Variants in ABL2 observed in about 807,000 individuals in gnomAD.
ABL2 encodes tyrosine-protein kinase ABL2.
A neutral mutation model predicts 107.7 loss-of-function variants in ABL2; 49 were observed. The ratio of observed to expected loss-of-function variants is 0.45; its 90% CI spans 0.36 to 0.58. ABL2 has a LOEUF of 0.58. Ranked by LOEUF, ABL2 falls within the 20% of genes least tolerant of loss-of-function variation. The pLI is 0.00. For missense variants in ABL2, 1,245 were observed against 1,457.0 expected (o/e 0.85, Z 2.37); for synonymous variants, 549 against 548.6 (o/e 1.00, Z -0.01).
At chr1:179,160,148 T>G (rs929098914) in intron 1 of ABL2, among the ~76,000 whole-genome samples, 1 of 152,104 alleles carries the variant, frequency 6.6e-6, no homozygotes, top group African/African-American at 2.4e-5. Context: ...AACTTGTATT[T>G]TATATAACTT....
intron 1 of ABL2, chr1:179,184,508 T>C (rs1660571851): frequency 2.8e-6 from 2 of 715,230 alleles, no homozygotes; most frequent in Non-Finnish European, 4.7e-6. Context: ...AAGATGACAT[T>C]TGTCCCATCC....
intron 1 of ABL2, among the ~76,000 whole-genome samples, chr1:179,183,152 A>G (rs1660477110): frequency 6.6e-6 from 1 of 152,098 alleles, no homozygotes; most frequent in African/African-American, 2.4e-5. Context: ...AGAGAACTGC[A>G]TGTTCTCACA....
intron 1 of ABL2, among the ~76,000 whole-genome samples, chr1:179,135,070 C>T (rs2793795): frequency 0.35 from 52,540 of 152,070 alleles, 9,505 homozygotes; most frequent in East Asian, 0.49. Flanking sequence ...GGCGTGATCT[C>T]GGCTCACTAC....
chr1:179,134,928 C>T (rs1440527268), intron 1 of ABL2, among the ~76,000 whole-genome samples: 8 of 152,230 alleles, frequency 5.3e-5, no homozygotes, highest in East Asian at 3.8e-4. Flanking sequence ...GACGGGGTTT[C>T]GCTGTGTTGG....
At chr1:179,161,971 T>C (rs1371701209) in intron 1 of ABL2, among the ~76,000 whole-genome samples, 1 of 152,172 alleles carries the variant, frequency 6.6e-6, no homozygotes, top group Non-Finnish European at 1.5e-5. Flanking sequence ...CACCAGGTGA[T>C]GTCTTCTGCC....
At chr1:179,201,954 C>CA in intron 1 of ABL2, 1 of 1,168,632 alleles carries the variant, frequency 8.6e-7, no homozygotes, top group Non-Finnish European at 1.1e-6. Context: ...CAACCCCAGC[C>CA]AGGGCTCAAT....
rs1663453778 is a variant in ABL2, at chr1:179,229,648, C to A, written c.-251G>T. The A allele has an allele frequency of 6.1e-6, 3 of 488,940 alleles. No homozygotes were observed. The highest frequency in any genetic ancestry group is 1.0e-5 in the Non-Finnish European group (3 of 286,036). The allele number at this position is 488,940 out of a possible 1,614,324, so 30.3% of individuals were successfully genotyped here. On this transcript the variant is annotated 5_prime_UTR_variant, in exon 1 of 12. Transcript: ENST00000502732. ...GCGCCCCCAACGCCGCCGCCGCCGC[C>A]GCCGCCACCGCCGCCGCCATCTTTA...
At chr1:179,208,670 ATCTC>A (rs28991594) in intron 1 of ABL2, among the ~76,000 whole-genome samples, 14,346 of 152,176 alleles carry the variant, frequency 0.094, 699 homozygotes, top group African/African-American at 0.12. Flanking sequence ...GCAGAAGACA[ATCTC>A]TCTTAGCCAA....
At chr1:179,134,038 T>C (rs74800084) in intron 1 of ABL2, among the ~76,000 whole-genome samples, 1 of 152,308 alleles carries the variant, frequency 6.6e-6, no homozygotes, top group African/African-American at 2.4e-5. Flanking sequence ...TAATACTCTA[T>C]CTTTATCTCT....
At chr1:179,190,419 G>T (rs549119600) in intron 1 of ABL2, among the ~76,000 whole-genome samples, 1 of 152,298 alleles carries the variant, frequency 6.6e-6, no homozygotes, top group South Asian at 2.1e-4. Flanking sequence ...GAGAAGAGGG[G>T]CTGAGCAGAG....
intron 1 of ABL2, among the ~76,000 whole-genome samples, chr1:179,227,622 G>A (rs1442324027): frequency 6.6e-6 from 1 of 152,176 alleles, no homozygotes; most frequent in Non-Finnish European, 1.5e-5. Flanking sequence ...AGCTTACTTG[G>A]ATGATTTCTT....
intron 1 of ABL2, among the ~76,000 whole-genome samples, chr1:179,217,444 G>C (rs1486989001): frequency 6.6e-6 from 1 of 151,972 alleles, no homozygotes; most frequent in Non-Finnish European, 1.5e-5. Flanking sequence ...TGGCCAACAT[G>C]GTGAAACCCC....
rs1558014308 is a variant in ABL2 at position 179,229,634 on chromosome 1, G to GCCGCCGCCGCCGCCGCCGCCGCCGCCA, written c.-238_-237insTGGCGGCGGCGGCGGCGGCGGCGGCGG. The GCCGCCGCCGCCGCCGCCGCCGCCGCCA allele has an allele frequency of 2.4e-5, 8 of 336,486 alleles. No homozygotes were observed. The highest frequency in any genetic ancestry group is 5.8e-5 in the East Asian group (1 of 17,186). The allele number at this position is 336,486 out of a possible 1,614,324, so 20.8% of individuals were successfully genotyped here. A position where few individuals can be genotyped will look rare whatever the true frequency, so the allele number is the denominator to read the frequency against. On this transcript the variant is annotated 5_prime_UTR_variant, in exon 1 of 12. Transcript: ENST00000502732. ...CCTGTCGCGGCTCCGCGCCCCCAAC[G>GCCGCCGCCGCCGCCGCCGCCGCCGCCA]CCGCCGCCGCCGCCGCCGCCACCGC...
At chr1:179,210,397 A>G (rs1264300815) in intron 1 of ABL2, among the ~76,000 whole-genome samples, 2 of 151,150 alleles carry the variant, frequency 1.3e-5, no homozygotes, top group Non-Finnish European at 2.9e-5. Context: ...TCCTAGCTAC[A>G]TGATAGGCTG....
chr1:179,156,922 TAAATAAATA>T (rs1287727031), intron 1 of ABL2, among the ~76,000 whole-genome samples: 2 of 141,666 alleles, frequency 1.4e-5, no homozygotes, highest in East Asian at 2.0e-4. Context: ...AATAAATAAA[TAAATAAATA>T]AAACTCTATT....
intron 9 of ABL2, among the ~76,000 whole-genome samples, chr1:179,114,012 T>A (rs1271207009): frequency 6.6e-6 from 1 of 152,154 alleles, no homozygotes; most frequent in African/African-American, 2.4e-5. Context: ...CCCAGCACTT[T>A]GGGAGGCTAA....
At chr1:179,187,845 C>CA (rs947274191) in intron 1 of ABL2, among the ~76,000 whole-genome samples, 5 of 152,100 alleles carry the variant, frequency 3.3e-5, no homozygotes, top group African/African-American at 1.2e-4. Flanking sequence ...CCCTTGTCCC[C>CA]AAGAGTTTAT....
In ABL2 at chr1:179,104,273, A is replaced by C; in HGVS notation, c.*3445T>G. 4.4e-6 allele frequency: 1 copy of C among 229,324 alleles called. No homozygotes were observed. Among genetic ancestry groups the C allele is most frequent in the Non-Finnish European group, 8.6e-6 (1 of 115,622 alleles). The allele number at this position is 229,324 out of a possible 1,614,324, so 14.2% of individuals were successfully genotyped here. A position where few individuals can be genotyped will look rare whatever the true frequency, so the allele number is the denominator to read the frequency against. On this transcript the variant is annotated 3_prime_UTR_variant, in exon 12 of 12. Transcript: ENST00000502732. ...AGGAAACTGAGGCTCCCAAGGTTAA[A>C]TGACTTGCCTTTTAGACTGGCATTA...
chr1:179,180,493 C>T (rs769068268), intron 1 of ABL2, among the ~76,000 whole-genome samples: 5 of 152,114 alleles, frequency 3.3e-5, no homozygotes, highest in Non-Finnish European at 5.9e-5. Context: ...CTAAGGCCTA[C>T]CACCTCTCTA....
Sources: gnomAD v4.1 joint callset for allele counts (sites outside exome capture counted in the v4.1 genomes callset) on GRCh38, gnomAD v4.1.1 for gene constraint, MANE v1.5 for transcripts, NCBI Gene and HGNC (gene_info 2026-07-23, HGNC 2026-07-21) for gene names.